The following MAGI2 variants were observed in gnomAD, a reference collection of about 807,000 sequenced individuals.
MAGI2 encodes membrane-associated guanylate kinase, WW and PDZ domain-containing protein 2.
MAGI2 carries 35 observed loss-of-function variants against 133.3 expected under a neutral mutation model. The observed-to-expected ratio is 0.26, with a 90% CI of 0.20 to 0.35. MAGI2 has a LOEUF of 0.35. Among genes scored for constraint, MAGI2 ranks in the 10% least tolerant of loss-of-function variants. The probability of loss-of-function intolerance (pLI) is 1.00; values close to 1 mark genes in which losing one functional copy is unlikely to be tolerated. For synonymous variants in MAGI2, 729 were observed against 710.6 expected, an observed-to-expected ratio of 1.03 and a Z score of -0.41; for missense variants, 1,636 against 1,863.4, an observed-to-expected ratio of 0.88 and a Z score of 2.25.
At chr7:78,849,991 C>T (rs566595264) in intron 2 of MAGI2, among the ~76,000 whole-genome samples, 167 of 152,020 alleles carry the variant, frequency 1.1e-3, no homozygotes, top group African/African-American at 3.8e-3. Context: ...ATGTTTAGTG[C>T]CTGACCTGGA....
intron 2 of MAGI2, among the ~76,000 whole-genome samples, chr7:78,653,865 T>C (rs1201350314): frequency 6.6e-6 from 1 of 152,154 alleles, no homozygotes; most frequent in Admixed American, 6.5e-5. Context: ...CATTAGACTT[T>C]TAGTACTCTG....
chr7:78,548,034 G>A (rs1040798667), intron 3 of MAGI2, among the ~76,000 whole-genome samples: 2 of 152,102 alleles, frequency 1.3e-5, no homozygotes, highest in African/African-American at 4.8e-5. Flanking sequence ...AATTGCCCTA[G>A]CTCATGGTAA....
At chr7:79,032,331 A>C (rs1335535993) in intron 1 of MAGI2, among the ~76,000 whole-genome samples, 1 of 152,116 alleles carries the variant, frequency 6.6e-6, no homozygotes, top group Non-Finnish European at 1.5e-5. Flanking sequence ...AGCCTTACCA[A>C]CATGGTGAAA....
chr7:79,081,439 C>G (rs919173360), intron 1 of MAGI2, among the ~76,000 whole-genome samples: 1 of 152,122 alleles, frequency 6.6e-6, no homozygotes, highest in Non-Finnish European at 1.5e-5. Flanking sequence ...AAAGCAAGAA[C>G]AGTATTGGCT....
intron 2 of MAGI2, among the ~76,000 whole-genome samples, chr7:78,759,682 C>A (rs1751512276): frequency 1.3e-5 from 2 of 152,096 alleles, no homozygotes; most frequent in Non-Finnish European, 2.9e-5. Context: ...GAAAAAAATA[C>A]CTATTATTTT....
chr7:79,161,009 G>C (rs1028924189), intron 1 of MAGI2, among the ~76,000 whole-genome samples: 11 of 151,880 alleles, frequency 7.2e-5, no homozygotes, highest in Admixed American at 7.2e-4. Context: ...ACCAGAAAAG[G>C]TAAAATGGTC....
At position 78,135,175 on chromosome 7, in the gene MAGI2, A is replaced by G. The variant is rs1474326951; in HGVS notation, c.2877T>C (p.Asp959=). 14 of 1,614,068 alleles carry G rather than the reference A, an allele frequency of 8.7e-6. No individual in the cohort carries two copies. Among genetic ancestry groups the G allele is most frequent in the Non-Finnish European group, 1.2e-5 (14 of 1,180,032 alleles). The change falls in exon 17 of 22, where the codon GAT becomes GAC. Residue 959 remains aspartate (D), a synonymous_variant. Transcript: ENST00000354212. ...TVPHKIGRII[D]GSPADRCAKL... is the part of the protein sequence containing the mutation. ...TTGCACAGCGATCTGCAGGACTCCC[A>G]TCAATGATGCGTCCGATTTTATGGG...
rs908608549 is a variant in MAGI2, at chr7:78,557,107, GA to G, written c.539-35463del. On this transcript the variant is annotated intron_variant, in intron 3 of 21. Transcript: ENST00000354212. ...AAAAAAAAAAAAAAAAAAAGAAAAA[GA>G]AAAAAAAAGAATTTCACAGGTGAGG... 6.8e-4 allele frequency among the ~76,000 whole-genome samples: 80 copies of G among 116,990 alleles called. 1 individual carries two copies. The highest frequency in any genetic ancestry group is 9.7e-4 in the Non-Finnish European group (55 of 56,878). The allele number at this position is 116,990 out of a possible 152,430, so 76.7% of individuals were successfully genotyped here. A position where few individuals can be genotyped will look rare whatever the true frequency, so the allele number is the denominator to read the frequency against.
chr7:78,609,869 C>T (rs1419933112), intron 3 of MAGI2, among the ~76,000 whole-genome samples: 1 of 152,156 alleles, frequency 6.6e-6, no homozygotes, highest in Non-Finnish European at 1.5e-5. Flanking sequence ...ACTGTAACTC[C>T]TCTCTTAGCC....
intron 1 of MAGI2, among the ~76,000 whole-genome samples, chr7:79,057,517 G>T (rs927476536): frequency 1.3e-5 from 2 of 152,196 alleles, no homozygotes; most frequent in Non-Finnish European, 2.9e-5. Flanking sequence ...CAAGAGAAAA[G>T]TAATTCAAAA....
chr7:79,291,351 T>C (rs1488387858), intron 1 of MAGI2, among the ~76,000 whole-genome samples: 1 of 152,170 alleles, frequency 6.6e-6, no homozygotes, highest in Non-Finnish European at 1.5e-5. Flanking sequence ...CTTTTGGTTA[T>C]TATGAATCAT....
chr7:78,909,940 G>GACT (rs1798281685), intron 2 of MAGI2, among the ~76,000 whole-genome samples: 1 of 152,152 alleles, frequency 6.6e-6, no homozygotes, highest in Admixed American at 6.5e-5. Context: ...AGAGACCATG[G>GACT]ACTACTATGC....
chr7:78,613,401 G>GA (rs1806688200), intron 3 of MAGI2, among the ~76,000 whole-genome samples: 1 of 152,030 alleles, frequency 6.6e-6, no homozygotes, highest in African/African-American at 2.4e-5. Flanking sequence ...TCTACAGGAA[G>GA]AAAAAACATA....
At chr7:79,439,077 T>C (rs1848330985) in intron 1 of MAGI2, among the ~76,000 whole-genome samples, 2 of 151,994 alleles carry the variant, frequency 1.3e-5, no homozygotes, top group African/African-American at 4.8e-5. Flanking sequence ...TTTGGCCTCA[T>C]TGGTCTATAT....
intron 20 of MAGI2, among the ~76,000 whole-genome samples, chr7:78,114,073 C>G (rs570258650): frequency 6.6e-6 from 1 of 152,174 alleles, no homozygotes; most frequent in Non-Finnish European, 1.5e-5. Flanking sequence ...AGCTAGACAG[C>G]CAGTGAGTTG....
intron 6 of MAGI2, among the ~76,000 whole-genome samples, chr7:78,389,630 G>T (rs1795717791): frequency 6.6e-6 from 1 of 152,134 alleles, no homozygotes; most frequent in Non-Finnish European, 1.5e-5. Flanking sequence ...TAATACCTTT[G>T]TTGTGATTTT....
intron 17 of MAGI2, among the ~76,000 whole-genome samples, chr7:78,133,712 G>T (rs1244139815): frequency 2.0e-5 from 3 of 152,208 alleles, no homozygotes; most frequent in African/African-American, 7.2e-5. Context: ...ACACATTCCA[G>T]ACTCAGAAAA....
intron 1 of MAGI2, among the ~76,000 whole-genome samples, chr7:79,244,815 C>T (rs1317237351): frequency 6.6e-6 from 1 of 152,172 alleles, no homozygotes; most frequent in Non-Finnish European, 1.5e-5. Context: ...TCCCAAAACC[C>T]CAGGCACCAC....
chr7:78,542,232 C>T (rs556591195), intron 3 of MAGI2, among the ~76,000 whole-genome samples: 104 of 152,242 alleles, frequency 6.8e-4, no homozygotes, highest in Non-Finnish European at 1.3e-3. Context: ...GTAGACTGGA[C>T]TTAGTCCACA....
Sources: allele counts gnomAD v4.1 joint callset (sites outside exome capture counted in the v4.1 genomes callset), GRCh38; gene constraint gnomAD v4.1.1; transcripts MANE v1.5; gene names NCBI Gene and HGNC (gene_info 2026-07-23, HGNC 2026-07-21).